The following WDR35 variants were observed in gnomAD, a reference collection of about 807,000 sequenced individuals.
WDR35 encodes the protein WD repeat domain 35, also known as WD repeat-containing protein 35.
A neutral mutation model predicts 158.3 loss-of-function variants in WDR35; 118 were observed. The observed-to-expected ratio is 0.75, with a 90% CI of 0.64 to 0.87. The LOEUF (loss-of-function observed/expected upper bound fraction) is 0.87, where lower values mean the gene tolerates loss of function less well. WDR35 is among the 40% of genes least tolerant of loss of function. The pLI is 0.00. For synonymous variants in WDR35, 448 were observed against 476.1 expected (o/e 0.94, Z 0.77); for missense variants, 1,263 against 1,405.8 (o/e 0.90, Z 1.62).
chr2:19,937,957 A>G lies in WDR35; in HGVS notation c.2064-11T>C. The stretch of plus-strand genomic sequence containing the variant: ...TCAGCCAGTAGGCGCCTTTATTTTA[A>G]AAGAAACAAAAACATAAGTGCATAT... On this transcript the variant is annotated splice_polypyrimidine_tract_variant and intron_variant, in intron 18 of 26. Transcript: ENST00000281405. 5.0e-6 allele frequency: 8 copies of G among 1,613,816 alleles called. No homozygotes were observed. Among genetic ancestry groups the G allele is most frequent in the Non-Finnish European group, 6.8e-6 (8 of 1,179,938 alleles).
chr2:19,934,338 T>G lies in WDR35; in HGVS notation c.2548-827A>C, dbSNP rs1157452888. 6.6e-6 allele frequency among the ~76,000 whole-genome samples: 1 copy of G among 152,120 alleles called. No individual in the cohort carries two copies. Among genetic ancestry groups the G allele is most frequent in the Non-Finnish European group, 1.5e-5 (1 of 68,018 alleles). ...AATCTTATCATTCATAAGAAACCTCTCTCAATACTCTGGTGCAATTTCTTA... is the reference window on the plus strand; with the variant it reads ...AATCTTATCATTCATAAGAAACCTCGCTCAATACTCTGGTGCAATTTCTTA... On this transcript the variant is annotated intron_variant, in intron 21 of 26. Transcript: ENST00000281405. This position sits in a 1 kb window ranked among gnomAD's most constrained non-coding sequence, Gnocchi z 4.6.
intron 25 of WDR35, among the ~76,000 whole-genome samples, chr2:19,919,983 G>C (rs1356136570): frequency 6.6e-6 from 1 of 152,134 alleles, no homozygotes; most frequent in Non-Finnish European, 1.5e-5. Context: ...AAATCTAGAA[G>C]AAATGGATAA....
At chr2:19,951,947 C>T (rs1311667628) in intron 12 of WDR35, 1 of 155,492 alleles carries the variant, frequency 6.4e-6, no homozygotes, top group Non-Finnish European at 1.4e-5. Flanking sequence ...CCTTTCCTAC[C>T]CTTTCCTGTG....
intron 11 of WDR35, among the ~76,000 whole-genome samples, chr2:19,957,844 TG>T: frequency 6.6e-6 from 1 of 152,296 alleles, no homozygotes; most frequent in Admixed American, 6.5e-5. Flanking sequence ...TGAGCCACCA[TG>T]CCCAGCTTGG....
In WDR35 at chr2:19,980,711, A is replaced by G. The variant is rs1388421523; in HGVS notation, c.287T>C (p.Ile96Thr). ...TATACCTTTATATAACATCCACACA[A>G]TGATAAGCCCGTTTTCATCACTGGT... ...LTTSDENGLI[I>T]VWMLYKGSWI... is the part of the protein sequence containing the mutation. The change falls in exon 4 of 27, where the codon ATT becomes ACT. Residue 96 changes from isoleucine (I) to threonine (T), a missense_variant. Ile to Thr is a moderately conservative substitution (Grantham distance 89). Transcript: ENST00000281405. 2.5e-6 allele frequency: 4 copies of G among 1,613,696 alleles called. No individual in the cohort carries two copies. In the Admixed American group the frequency reaches 6.7e-5, roughly 27 times the overall value.
At chr2:19,956,915 G>A (rs181590463) in intron 11 of WDR35, among the ~76,000 whole-genome samples, 334 of 152,256 alleles carry the variant, frequency 2.2e-3, no homozygotes, top group African/African-American at 7.3e-3. Context: ...CACCGCGCCC[G>A]GCCAATAATA....
At chr2:19,978,935 T>C in intron 4 of WDR35, 56 bp from the exon 5 acceptor site, 14 of 1,604,142 alleles carry the variant, frequency 8.7e-6, no homozygotes, top group Non-Finnish European at 1.1e-5. Flanking sequence ...TATTAAATAG[T>C]AGTTAAGAAT....
Position 19,982,482 on chromosome 2 carries a change from C to G in WDR35, c.195G>C (p.Gln65His). ...ACTCACCACTATGACCTTCAAGAGT[C>G]TGATTCATAGAAAGGTTACTGGGGG... ...LAAPSNLSMN[Q>H]TLEGHSGSVQ... is the part of the protein sequence containing the mutation. The change falls in exon 3 of 27, where the codon CAG (glutamine) becomes CAC (histidine). Residue 65 changes from glutamine (Q) to histidine (H), a missense_variant. By Grantham distance (24) the Gln-to-His change is conservative. Transcript: ENST00000281405. 6.2e-7 allele frequency: 1 copy of G among 1,613,844 alleles called. No homozygotes were observed.
chr2:19,915,983 G>C (rs1352925974), intron 25 of WDR35, among the ~76,000 whole-genome samples: 3 of 151,698 alleles, frequency 2.0e-5, no homozygotes, highest in African/African-American at 7.3e-5. Flanking sequence ...AACAGCTCTG[G>C]TCTGCAGCTC....
At position 19,960,581 on chromosome 2, in the gene WDR35, G is replaced by A. The variant is rs537142424; in HGVS notation, c.1228C>T (p.Pro410Ser). ...VLVLCNSIGT[P>S]LDPKYIDIVP... ...ATATCAATGTATTTGGGATCCAAGG[G>A]TGTACCAATAGAATTACAAAGAACT... Residue 410 changes from proline (P) to serine (S), a missense_variant, in exon 11 of 27, where the codon CCC (proline) becomes TCC (serine). Physicochemically the swap from Pro to Ser is moderately conservative, Grantham distance 74. Coordinates refer to ENST00000281405, the MANE Select transcript of WDR35 (RefSeq NM_020779.4). 19 of 1,609,154 alleles carry A rather than the reference G, an allele frequency of 1.2e-5. No individual in the cohort carries two copies. The South Asian group carries it at 1.9e-4, about 16-fold the overall frequency.
In WDR35 at chr2:19,945,994, C is replaced by T. The variant is rs529313875; in HGVS notation, c.1637G>A (p.Arg546His). Reference protein sequence around the residue: ...YQLSLNCNSSRLAIIDISGVL... With the variant: ...YQLSLNCNSSHLAIIDISGVL... Reference sequence around the variant, plus strand: ...TCCTGAGATGTCTATGATAGCAAGACGGCTAAAAACAATGCAATTAGAGAA... The same window carrying T: ...TCCTGAGATGTCTATGATAGCAAGATGGCTAAAAACAATGCAATTAGAGAA... The change falls in exon 16 of 27, where the codon CGT becomes CAT. Residue 546 changes from arginine to histidine, a missense_variant and splice_region_variant. Physicochemically the swap from Arg to His is conservative, Grantham distance 29. Transcript: ENST00000281405. 3.6e-5 allele frequency: 58 copies of T among 1,613,418 alleles called. No individual in the cohort carries two copies. In the Admixed American group the frequency reaches 7.0e-4, roughly 19 times the overall value.
At chr2:19,922,691 A>G (rs1283859641) in intron 25 of WDR35, among the ~76,000 whole-genome samples, 1 of 152,186 alleles carries the variant, frequency 6.6e-6, no homozygotes, top group Non-Finnish European at 1.5e-5. Flanking sequence ...CATTCTGCAC[A>G]TGTACCCCAG....
At chr2:19,940,915 A>G (rs1489412644) in intron 17 of WDR35, among the ~76,000 whole-genome samples, 3 of 152,150 alleles carry the variant, frequency 2.0e-5, no homozygotes, top group Admixed American at 6.5e-5. Flanking sequence ...GGTATCATCA[A>G]TCTTTACATC....
intron 16 of WDR35, among the ~76,000 whole-genome samples, chr2:19,942,885 T>C (rs1670921970): frequency 6.6e-6 from 1 of 152,092 alleles, no homozygotes; most frequent in Non-Finnish European, 1.5e-5. Flanking sequence ...TAATTCTTTT[T>C]ATCAAAAAAG....
chr2:19,959,195 TC>T (rs1197197595), intron 11 of WDR35, among the ~76,000 whole-genome samples: 1 of 152,046 alleles, frequency 6.6e-6, no homozygotes, highest in African/African-American at 2.4e-5. Context: ...AGTCATGCTC[TC>T]AAGTATTTGC....
chr2:19,935,383 C>A, intron 21 of WDR35, 88 bp downstream of exon 21: 2 of 1,420,146 alleles, frequency 1.4e-6, no homozygotes, highest in Non-Finnish European at 1.9e-6. Flanking sequence ...TTTTAATTTT[C>A]TTTATTGTGG....
intron 9 of WDR35, 139 bp downstream of exon 9, chr2:19,969,341 A>G (rs1439910888): frequency 2.4e-6 from 2 of 845,464 alleles, no homozygotes; most frequent in African/African-American, 3.4e-5. Context: ...AGAAAAGTTT[A>G]CTAGTTCTAA....
chr2:19,935,522 T>G lies in WDR35; in HGVS notation c.2496A>C (p.Glu832Asp), dbSNP rs6741091. 5.0e-6 allele frequency: 8 copies of G among 1,612,878 alleles called. No individual in the cohort carries two copies. In the Admixed American group the frequency reaches 1.3e-4, roughly 27 times the overall value. ...GTGAAATGGCAAGGTTCTCTAACCC[T>G]TCATAATCCTCTAACATATAGTAAC... ...AECYYMLEDY[E>D]GLENLAISLP... Residue 832 changes from glutamate (E) to aspartate (D), a missense_variant, in exon 21 of 27, where the codon GAA (glutamate) becomes GAC (aspartate). Coordinates refer to ENST00000281405, the MANE Select transcript of WDR35 (RefSeq NM_020779.4).
chr2:19,979,912 T>C (rs1469654860), intron 4 of WDR35, among the ~76,000 whole-genome samples: 2 of 152,078 alleles, frequency 1.3e-5, no homozygotes, highest in Admixed American at 1.3e-4. Context: ...ACAGCACACA[T>C]GAACTAAGGC....
Sources: allele counts gnomAD v4.1 joint callset (sites outside exome capture counted in the v4.1 genomes callset), GRCh38; gene constraint gnomAD v4.1.1; non-coding constraint Gnocchi (gnomAD v3.1); transcripts MANE v1.5; gene names NCBI Gene and HGNC (gene_info 2026-07-23, HGNC 2026-07-21).